The following EYA1 variants were observed in gnomAD, a reference collection of about 807,000 sequenced individuals.
EYA1 encodes protein phosphatase EYA1.
Under a neutral mutation model 82.0 loss-of-function variants are expected in EYA1, and 16 were observed. The observed-to-expected ratio is 0.20, with a 90% CI of 0.13 to 0.30. EYA1 has a LOEUF of 0.30. Among genes scored for constraint, EYA1 ranks in the 10% least tolerant of loss-of-function variants. The pLI is 1.00. For synonymous variants in EYA1, 261 were observed against 264.4 expected (o/e 0.99, Z 0.12); for missense variants, 633 against 730.7 (o/e 0.87, Z 1.54).
chr8:71,314,739 A>C (rs1821723053), intron 7 of EYA1, among the ~76,000 whole-genome samples: 1 of 152,206 alleles, frequency 6.6e-6, no homozygotes, highest in Admixed American at 6.5e-5. Context: ...TATCATTATA[A>C]AGATAGTCAT....
intron 2 of EYA1, among the ~76,000 whole-genome samples, chr8:71,412,619 A>G (rs1830667765): frequency 6.6e-6 from 1 of 152,142 alleles, no homozygotes; most frequent in East Asian, 1.9e-4. Flanking sequence ...CAATGAGTTG[A>G]GATTATTATG....
chr8:71,488,998 T>C (rs1810787480), intron 2 of EYA1, among the ~76,000 whole-genome samples: 1 of 152,202 alleles, frequency 6.6e-6, no homozygotes, highest in African/African-American at 2.4e-5. Flanking sequence ...ACTCTATGGA[T>C]GTTATTTGAG....
intron 2 of EYA1, among the ~76,000 whole-genome samples, chr8:71,411,745 A>T (rs1175008340): frequency 6.3e-5 from 9 of 143,152 alleles, no homozygotes; most frequent in Non-Finnish European, 1.2e-4. Flanking sequence ...GCTGGAGAGG[A>T]TGTGGAGAAA....
intron 11 of EYA1, among the ~76,000 whole-genome samples, chr8:71,256,963 C>A (rs887555203): frequency 1.3e-5 from 2 of 151,870 alleles, no homozygotes. Flanking sequence ...CACTCCACTG[C>A]ACTCCAGCCT....
intron 2 of EYA1, among the ~76,000 whole-genome samples, chr8:71,475,813 A>G (rs1437913358): frequency 2.6e-5 from 4 of 152,308 alleles, no homozygotes; most frequent in East Asian, 3.9e-4. Context: ...TACTCAGTCA[A>G]TCCTGAAATG....
intron 9 of EYA1, among the ~76,000 whole-genome samples, chr8:71,275,622 G>C (rs1483532807): frequency 2.0e-5 from 3 of 152,168 alleles, no homozygotes; most frequent in Non-Finnish European, 2.9e-5. Flanking sequence ...TATGGCAGAT[G>C]AAAAAGTATG....
At chr8:71,270,846 C>T (rs1410753122) in intron 10 of EYA1, among the ~76,000 whole-genome samples, 1 of 151,992 alleles carries the variant, frequency 6.6e-6, no homozygotes, top group Non-Finnish European at 1.5e-5. Context: ...TATGGCTGGG[C>T]GTGGTGGCTC....
intron 2 of EYA1, among the ~76,000 whole-genome samples, chr8:71,486,933 A>G (rs1436860453): frequency 2.8e-5 from 3 of 105,866 alleles, no homozygotes; most frequent in African/African-American, 1.1e-4. Context: ...CTTGTGCGTC[A>G]CTTCTCAGGT....
intron 6 of EYA1, among the ~76,000 whole-genome samples, chr8:71,319,465 G>C (rs2129028452): frequency 6.6e-6 from 1 of 152,082 alleles, no homozygotes; most frequent in Admixed American, 6.6e-5. Context: ...CTAGCCTATT[G>C]GTTCCAGATG....
intron 2 of EYA1, among the ~76,000 whole-genome samples, chr8:71,504,316 ACT>A (rs1359552675): frequency 3.3e-5 from 5 of 152,302 alleles, no homozygotes; most frequent in Admixed American, 2.0e-4. Context: ...AGTAAGAAAA[ACT>A]CAAACTTATA....
chr8:71,425,482 T>C (rs1338700571), intron 2 of EYA1, among the ~76,000 whole-genome samples: 1 of 152,174 alleles, frequency 6.6e-6, no homozygotes, highest in Non-Finnish European at 1.5e-5. Context: ...ACATTAGTTT[T>C]AATTATTACC....
chr8:71,499,309 T>C (rs1161706745), intron 2 of EYA1, among the ~76,000 whole-genome samples: 1 of 152,224 alleles, frequency 6.6e-6, no homozygotes, highest in Non-Finnish European at 1.5e-5. Context: ...ACTTTCTCTA[T>C]AATAATATAT....
intron 1 of EYA1, among the ~76,000 whole-genome samples, chr8:71,545,089 C>T (rs1219772047): frequency 6.6e-6 from 1 of 152,230 alleles, no homozygotes; most frequent in Non-Finnish European, 1.5e-5. Context: ...ACTGAAAACT[C>T]AGTGCAGGAG....
At position 71,216,946 on chromosome 8, in the gene EYA1, C is replaced by T. The variant is rs1258631083; in HGVS notation, c.1199+19G>A. 1 of 1,612,768 alleles carries T rather than the reference C, an allele frequency of 6.2e-7. No individual in the cohort carries two copies. The highest frequency in any genetic ancestry group is 1.3e-5 in the African/African-American group (1 of 75,026). On this transcript the variant is annotated intron_variant, in intron 13 of 17. Transcript: ENST00000340726. The stretch of plus-strand genomic sequence containing the variant: ...AACTATAAAAGGGAGATGGTCACTT[C>T]ACATTCAAGGGTGCTCACCTTAGGT...
At chr8:71,458,387 AT>A (rs370744569) in intron 2 of EYA1, among the ~76,000 whole-genome samples, 126 of 149,770 alleles carry the variant, frequency 8.4e-4, no homozygotes, top group East Asian at 4.3e-3. Context: ...GTGTATGTAG[AT>A]TTTTTTTTTC....
chr8:71,513,732 C>A (rs1319003416), intron 2 of EYA1, among the ~76,000 whole-genome samples: 1 of 152,026 alleles, frequency 6.6e-6, no homozygotes, highest in Admixed American at 6.6e-5. Flanking sequence ...TACCCCTTAA[C>A]CCTCCCACCT....
chr8:71,227,305 C>T (rs1333351802), intron 12 of EYA1, among the ~76,000 whole-genome samples: 1 of 152,156 alleles, frequency 6.6e-6, no homozygotes, highest in South Asian at 2.1e-4. Context: ...TCACTGGCAA[C>T]AGTGTTCTTT....
At chr8:71,338,497 C>T (rs969938785) in intron 3 of EYA1, among the ~76,000 whole-genome samples, 1 of 152,090 alleles carries the variant, frequency 6.6e-6, no homozygotes, top group Non-Finnish European at 1.5e-5. Context: ...ATCTATCAGA[C>T]CATTGGAGCT....
intron 2 of EYA1, among the ~76,000 whole-genome samples, chr8:71,400,093 A>C (rs995323635): frequency 4.6e-5 from 7 of 152,222 alleles, no homozygotes; most frequent in African/African-American, 1.7e-4. Context: ...GGCTAGCCAC[A>C]TGCAGAAAAT....
Sources: allele counts gnomAD v4.1 joint callset (sites outside exome capture counted in the v4.1 genomes callset), GRCh38; gene constraint gnomAD v4.1.1; transcripts MANE v1.5; gene names NCBI Gene and HGNC (gene_info 2026-07-23, HGNC 2026-07-21).